COL15A1: variants seen among roughly 807,000 people sequenced by gnomAD.
The protein encoded by COL15A1 is collagen alpha-1(XV) chain.
In COL15A1, 111 loss-of-function variants were observed where a neutral mutation model predicts 165.9. The observed-to-expected ratio is 0.67, with a 90% CI of 0.57 to 0.78. COL15A1 has a LOEUF of 0.78. Ranked by LOEUF, COL15A1 falls within the 30% of genes least tolerant of loss-of-function variation. COL15A1 has a pLI of 0.00. For missense variants in COL15A1, 1,745 were observed against 1,789.7 expected (o/e 0.98, Z 0.45); for synonymous variants, 659 against 674.8 (o/e 0.98, Z 0.36).
chr9:99,052,582 G>A (rs888037955), intron 31 of COL15A1, 149 bp downstream of exon 31: 8 of 703,420 alleles, frequency 1.1e-5, no homozygotes, highest in Admixed American at 4.0e-5. Flanking sequence ...AGCCAAGGCT[G>A]TGGGGCTGTG....
chr9:98,990,673 C>G (rs77310065), intron 5 of COL15A1, among the ~76,000 whole-genome samples: 6 of 152,172 alleles, frequency 3.9e-5, no homozygotes, highest in Non-Finnish European at 8.8e-5. Context: ...GAGATGATCA[C>G]AGGGGACAGA....
chr9:98,997,675 C>A (rs527354671), intron 6 of COL15A1, among the ~76,000 whole-genome samples: 42 of 152,350 alleles, frequency 2.8e-4, no homozygotes, highest in African/African-American at 9.1e-4. Context: ...CAGCAGCAGT[C>A]CCTAGGAGAA....
At chr9:98,992,563 G>C (rs2184214) in intron 5 of COL15A1, among the ~76,000 whole-genome samples, 10,706 of 152,362 alleles carry the variant, frequency 0.07, 462 homozygotes, top group Non-Finnish European at 0.089. Flanking sequence ...ACAGTGCAGT[G>C]GTGGGCTGAA....
chr9:98,989,217 G>T lies in COL15A1; in HGVS notation c.763G>T (p.Val255Leu). 1 of 1,614,194 alleles carries T rather than the reference G, an allele frequency of 6.2e-7. No homozygotes were observed. The highest frequency in any genetic ancestry group is 8.5e-7 in the Non-Finnish European group (1 of 1,180,018). The change falls in exon 5 of 42, where the codon GTA (valine) becomes TTA (leucine). Residue 255 changes from valine (V) to leucine (L), a missense_variant. Transcript: ENST00000375001. ...ETSGLQEADG[V>L]AEILEAVTYT... Reference sequence around the variant, plus strand: ...CAGTGGGCTGCAGGAGGCAGACGGAGTAGCTGAGATCTTAGAAGCCGTCAC... The same window carrying T: ...CAGTGGGCTGCAGGAGGCAGACGGATTAGCTGAGATCTTAGAAGCCGTCAC...
intron 5 of COL15A1, among the ~76,000 whole-genome samples, chr9:98,991,737 G>T (rs2118908893): frequency 1.3e-5 from 2 of 152,086 alleles, no homozygotes; most frequent in South Asian, 2.1e-4. Flanking sequence ...AGAACTAATT[G>T]GTGCGTTTAC....
intron 40 of COL15A1, among the ~76,000 whole-genome samples, chr9:99,068,068 A>C (rs530246813): frequency 6.6e-6 from 1 of 152,238 alleles, no homozygotes; most frequent in African/African-American, 2.4e-5. Flanking sequence ...TCATGGATGG[A>C]TTATAAAATC....
chr9:99,062,037 A>T lies in COL15A1; in HGVS notation c.3469A>T (p.Ile1157Phe), dbSNP rs150363278. ...KAHLVIEGTFIYLRDSTEFFI... is the reference protein window; with the variant it reads ...KAHLVIEGTFFYLRDSTEFFI... ...GCATTTGGTTATAGAAGGAACATTCATCTACCTGAGGGACAGCACTGAGTT... is the reference window on the plus strand; with the variant it reads ...GCATTTGGTTATAGAAGGAACATTCTTCTACCTGAGGGACAGCACTGAGTT... The change falls in exon 37 of 42, where the codon ATC (isoleucine) becomes TTC (phenylalanine). Residue 1157 changes from isoleucine (I) to phenylalanine (F), a missense_variant. Transcript: ENST00000375001. The T allele has an allele frequency of 6.2e-7, 1 of 1,614,026 alleles. No individual in the cohort carries two copies. The highest frequency in any genetic ancestry group is 8.5e-7 in the Non-Finnish European group (1 of 1,180,002).
intron 9 of COL15A1, among the ~76,000 whole-genome samples, chr9:99,006,085 C>G (rs1271067805): frequency 6.6e-6 from 1 of 152,228 alleles, no homozygotes; most frequent in Non-Finnish European, 1.5e-5. Flanking sequence ...CCTCTTCTCT[C>G]TGCTGAGAAC....
rs774837414 is a variant in COL15A1 at position 99,011,406 on chromosome 9, GAA to G, written c.1354-3994_1354-3993del. Among the ~76,000 whole-genome samples, 21 of 46,854 alleles carry G rather than the reference GAA, an allele frequency of 4.5e-4. 1 individual carries two copies. Among genetic ancestry groups the G allele is most frequent in the African/African-American group, 1.1e-3 (15 of 13,118 alleles). The allele number at this position is 46,854 out of a possible 152,430, so 30.7% of individuals were successfully genotyped here. On this transcript the variant is annotated intron_variant, in intron 9 of 41. Coordinates refer to ENST00000375001, the MANE Select transcript of COL15A1 (RefSeq NM_001855.5). ...AGTTTTCCTGAGCATCCCTCTTTCT[GAA>G]AAAAAAAAAAAAAAAAGTCATTTTA...
At chr9:99,046,848 C>T (rs962569292) in intron 26 of COL15A1, among the ~76,000 whole-genome samples, 1 of 152,232 alleles carries the variant, frequency 6.6e-6, no homozygotes, top group Non-Finnish European at 1.5e-5. Flanking sequence ...GTGGCCTGTG[C>T]CCTGTCAACC....
At chr9:98,971,519 G>A (rs1409478778) in intron 2 of COL15A1, among the ~76,000 whole-genome samples, 2 of 151,948 alleles carry the variant, frequency 1.3e-5, no homozygotes, top group African/African-American at 4.8e-5. Context: ...GGGTGCTCAC[G>A]CCTGCCCGCA....
At chr9:99,021,837 T>A (rs968897514) in intron 12 of COL15A1, among the ~76,000 whole-genome samples, 1 of 151,840 alleles carries the variant, frequency 6.6e-6, no homozygotes, top group Non-Finnish European at 1.5e-5. Flanking sequence ...GAAGGGAGGG[T>A]GTGTGTGATG....
At chr9:99,019,232 T>C (rs1166602737) in intron 11 of COL15A1, among the ~76,000 whole-genome samples, 1 of 152,168 alleles carries the variant, frequency 6.6e-6, no homozygotes, top group Non-Finnish European at 1.5e-5. Context: ...CTCACTCTCT[T>C]GCCCAGACTA....
At position 99,050,713 on chromosome 9, in the gene COL15A1, G is replaced by A. The variant is rs113177990; in HGVS notation, c.2904+818G>A. On this transcript the variant is annotated intron_variant, in intron 30 of 41. Transcript: ENST00000375001. Reference sequence around the variant, plus strand: ...CTCTGCCAGGCCCTGGGGACACAACGGTGAACTAGACGGATGTGGCCTCTG... The same window carrying A: ...CTCTGCCAGGCCCTGGGGACACAACAGTGAACTAGACGGATGTGGCCTCTG... 9.5e-3 allele frequency among the ~76,000 whole-genome samples: 1,449 copies of A among 152,318 alleles called. 21 individuals carry two copies. The highest frequency in any genetic ancestry group is 0.034 in the African/African-American group (1,396 of 41,558).
At chr9:98,978,173 T>C (rs1207723118) in intron 2 of COL15A1, among the ~76,000 whole-genome samples, 1 of 152,190 alleles carries the variant, frequency 6.6e-6, no homozygotes, top group African/African-American at 2.4e-5. Flanking sequence ...GATAGATTCA[T>C]GAATTTTTGT....
At chr9:99,053,617 G>A (rs536639937) in intron 31 of COL15A1, among the ~76,000 whole-genome samples, 3 of 152,356 alleles carry the variant, frequency 2.0e-5, no homozygotes, top group South Asian at 2.1e-4. Context: ...CTGTCTGTGG[G>A]CTCAGTGTGG....
chr9:99,001,890 T>C (rs1838661767), intron 7 of COL15A1, among the ~76,000 whole-genome samples: 1 of 152,150 alleles, frequency 6.6e-6, no homozygotes, highest in South Asian at 2.1e-4. Context: ...GCAGGGGACC[T>C]AGGATCAAAA....
chr9:99,008,205 G>A (rs1183049898), intron 9 of COL15A1, among the ~76,000 whole-genome samples: 1 of 151,532 alleles, frequency 6.6e-6, no homozygotes, highest in Non-Finnish European at 1.5e-5. Flanking sequence ...GCCCATGCCT[G>A]CAAATACCTG....
At position 99,056,361 on chromosome 9, in the gene COL15A1, G is replaced by A. The variant is rs201703831; in HGVS notation, c.3294G>A (p.Pro1098=). The A allele has an allele frequency of 9.7e-5, 156 of 1,612,752 alleles. 1 individual carries two copies. The highest frequency in any genetic ancestry group is 7.6e-4 in the African/African-American group (57 of 74,966). ...GFGRPGDPGP[P]GPPGPPGPPA... ...GAAGACCTGGTGATCCTGGGCCACC[G>A]GGGCCCCCGGGGCCACCAGGACCTC... Residue 1098 remains proline (P), a synonymous_variant, in exon 35 of 42, where the codon CCG becomes CCA. Coordinates refer to ENST00000375001, the MANE Select transcript of COL15A1 (RefSeq NM_001855.5).
Sources: gnomAD v4.1 joint callset for allele counts (sites outside exome capture counted in the v4.1 genomes callset) on GRCh38, gnomAD v4.1.1 for gene constraint, MANE v1.5 for transcripts, NCBI Gene and HGNC (gene_info 2026-07-23, HGNC 2026-07-21) for gene names.